Variants in LSP1 observed in about 807,000 individuals in gnomAD.
LSP1 encodes the protein lymphocyte specific protein 1.
Under a neutral mutation model 49.3 loss-of-function variants are expected in LSP1, and 32 were observed. That is an observed-to-expected ratio of 0.65 (90% CI 0.49 to 0.87). The LOEUF is 0.87. Ranked by LOEUF, LSP1 falls within the 40% of genes least tolerant of loss-of-function variation. The probability of loss-of-function intolerance (pLI) is 0.00; values close to 1 mark genes in which losing one functional copy is unlikely to be tolerated. For synonymous variants in LSP1, 179 were observed against 178.8 expected (o/e 1.00, Z -0.01); for missense variants, 428 against 442.6 (o/e 0.97, Z 0.30).
At chr11:1,889,258 C>A (rs571615961) in intron 10 of LSP1, 6 of 677,404 alleles carry the variant, frequency 8.9e-6, no homozygotes, top group South Asian at 3.1e-5. Flanking sequence ...AGCTTCCGGG[C>A]GTTGAAGCGA....
rs180792422 is a variant in LSP1 at position 1,875,108 on chromosome 11, G to C, written c.54-4979G>C. ...GGGCTTCGGCATGTAAAGCCCATGG[G>C]GGGCAGAGCCTCCGGCCCCTGCCAG... is the stretch of plus-strand genomic sequence containing the variant. On this transcript the variant is annotated intron_variant, in intron 1 of 10. Transcript: ENST00000311604. Among the ~76,000 whole-genome samples the C allele has an allele frequency of 5.8e-3, 872 of 151,450 alleles. 5 individuals carry two copies. Among genetic ancestry groups the C allele is most frequent in the Admixed American group, 8.8e-3 (134 of 15,258 alleles).
chr11:1,887,502 T>C lies in LSP1; in HGVS notation c.959T>C (p.Phe320Ser). ...ACCCCATCTGGGAAGAGGTATAAGT[T>C]TGTGGCCACCGGGCATGGGAAGTAT... ...KSTPSGKRYKFVATGHGKYEK... is the reference protein window; with the variant it reads ...KSTPSGKRYKSVATGHGKYEK... Residue 320 changes from phenylalanine to serine, a missense_variant, in exon 10 of 11, where the codon TTT becomes TCT. Coordinates refer to ENST00000311604, the MANE Select transcript of LSP1 (RefSeq NM_002339.3). 2 of 1,613,842 alleles carry C rather than the reference T, an allele frequency of 1.2e-6. No homozygotes were observed. The highest frequency in any genetic ancestry group is 1.7e-6 in the Non-Finnish European group (2 of 1,179,950).
At position 1,880,200 on chromosome 11, in the gene LSP1, C is replaced by T. The variant is rs369993990; in HGVS notation, c.167C>T (p.Pro56Leu). ...AQDEEGGGHV[P>L]ERPKQEMLLS... ...GACGAGGAGGGAGGCGGCCATGTCC[C>T]CGAGCGGCCGAAGCAGGAGATGCTG... Residue 56 changes from proline (P) to leucine (L), a missense_variant, in exon 2 of 11, where the codon CCC becomes CTC. Coordinates refer to ENST00000311604, the MANE Select transcript of LSP1 (RefSeq NM_002339.3). 1.3e-6 allele frequency: 2 copies of T among 1,599,810 alleles called. No homozygotes were observed. Among genetic ancestry groups the T allele is most frequent in the African/African-American group, 2.7e-5 (2 of 74,174 alleles).
intron 1 of LSP1, chr11:1,869,660 C>T: frequency 2.2e-6 from 1 of 456,798 alleles, no homozygotes; most frequent in Non-Finnish European, 4.4e-6. Flanking sequence ...TCTTGGTGCT[C>T]CAAAGACGGG....
chr11:1,883,389 GA>G, intron 3 of LSP1, 29 bp from the exon 4 acceptor site: 1 of 1,613,196 alleles, frequency 6.2e-7, no homozygotes, highest in African/African-American at 1.3e-5. Flanking sequence ...AATGGCCCTA[GA>G]ACGGCTTTGC....
intron 1 of LSP1, among the ~76,000 whole-genome samples, chr11:1,854,378 C>T (rs73410938): frequency 0.039 from 5,934 of 152,090 alleles, 374 homozygotes; most frequent in African/African-American, 0.13. Context: ...CAGAGGGTCC[C>T]GGTCTACCCG....
chr11:1,865,191 G>C (rs1589809524), intron 1 of LSP1: 2 of 985,954 alleles, frequency 2.0e-6, no homozygotes, highest in South Asian at 4.7e-5. Flanking sequence ...CGCCTGAGCA[G>C]AGGCTGCAGC....
chr11:1,864,726 A>G (rs1282213431), intron 1 of LSP1, among the ~76,000 whole-genome samples: 6 of 151,664 alleles, frequency 4.0e-5, no homozygotes, highest in Admixed American at 3.3e-4. Context: ...AGTCAGGGAG[A>G]CCCACAGGGA....
chr11:1,859,511 C>T (rs2133058010), intron 1 of LSP1: 1 of 154,754 alleles, frequency 6.5e-6, no homozygotes, highest in African/African-American at 2.4e-5. Flanking sequence ...AAGGCTGCCT[C>T]CTCCTCCTGT....
intron 7 of LSP1, among the ~76,000 whole-genome samples, chr11:1,885,835 C>G (rs1848728676): frequency 6.6e-6 from 1 of 151,790 alleles, no homozygotes; most frequent in African/African-American, 2.4e-5. Context: ...TTTACTCCTT[C>G]ACCCAATCAG....
intron 7 of LSP1, among the ~76,000 whole-genome samples, chr11:1,885,812 C>T (rs376984432): frequency 4.7e-4 from 72 of 152,126 alleles, no homozygotes; most frequent in African/African-American, 1.7e-3. Context: ...AATTAATGCC[C>T]CTCCATCCAT....
chr11:1,874,080 A>C (rs1848190690), intron 1 of LSP1, among the ~76,000 whole-genome samples: 1 of 115,304 alleles, frequency 8.7e-6, no homozygotes, highest in African/African-American at 3.5e-5. Context: ...CAGAGGAGGG[A>C]GGCCGGCAGA....
intron 1 of LSP1, among the ~76,000 whole-genome samples, chr11:1,860,093 T>C (rs761863080): frequency 6.6e-6 from 1 of 152,204 alleles, no homozygotes; most frequent in Non-Finnish European, 1.5e-5. Context: ...TCCTGGGCCA[T>C]GGTGGTCTGC....
At chr11:1,877,338 C>T (rs2878190) in intron 1 of LSP1, among the ~76,000 whole-genome samples, 1 of 152,176 alleles carries the variant, frequency 6.6e-6, no homozygotes, top group Non-Finnish European at 1.5e-5. Context: ...GCCTCCACGT[C>T]CTCAGGCTGC....
At chr11:1,859,388 C>T (rs1293980501) in intron 1 of LSP1, 1 of 152,554 alleles carries the variant, frequency 6.6e-6, no homozygotes, top group South Asian at 2.1e-4. Flanking sequence ...GGTGGGACCT[C>T]ACCTACTGCT....
chr11:1,868,925 C>T (rs1430958425), intron 1 of LSP1: 2 of 985,962 alleles, frequency 2.0e-6, no homozygotes, highest in African/African-American at 1.7e-5. Context: ...GGGAGGCACC[C>T]TGAGGCCAGA....
chr11:1,870,493 G>A (rs1346496123), intron 1 of LSP1: 10 of 1,196,396 alleles, frequency 8.4e-6, no homozygotes, highest in African/African-American at 4.8e-5. Flanking sequence ...TGGCCAGGCC[G>A]GGCACCCCAG....
chr11:1,856,628 A>T (rs575509555), intron 1 of LSP1, among the ~76,000 whole-genome samples: 2 of 152,200 alleles, frequency 1.3e-5, no homozygotes, highest in African/African-American at 4.8e-5. Context: ...CCTTCTGGCC[A>T]TCTGTCCCTG....
chr11:1,874,088 A>G lies in LSP1; in HGVS notation c.54-5999A>G, dbSNP rs878896994. ...AGGCCGGCAGAGGAGGGAGGCCGGC[A>G]GAGCAGGGAGGCCGGCAGAGGAGGG... On this transcript the variant is annotated intron_variant, in intron 1 of 10. Coordinates refer to ENST00000311604, the MANE Select transcript of LSP1 (RefSeq NM_002339.3). 7.6e-3 allele frequency among the ~76,000 whole-genome samples: 183 copies of G among 23,934 alleles called. 3 individuals are homozygous for G. Among genetic ancestry groups the G allele is most frequent in the African/African-American group, 0.014 (92 of 6,700 alleles). 15.7% of individuals were successfully genotyped at this position (23,934 alleles called of 152,430 possible).
Sources: gnomAD v4.1 joint callset for allele counts (sites outside exome capture counted in the v4.1 genomes callset) on GRCh38, gnomAD v4.1.1 for gene constraint, MANE v1.5 for transcripts, NCBI Gene and HGNC (gene_info 2026-07-23, HGNC 2026-07-21) for gene names.